Variants in ZCCHC7 observed in about 807,000 individuals in gnomAD.
ZCCHC7 encodes zinc finger CCHC-type containing 7, also known as zinc finger CCHC domain-containing protein 7.
In ZCCHC7, 35 loss-of-function variants were observed where a neutral mutation model predicts 52.0. That is an observed-to-expected ratio of 0.67 (90% CI 0.51 to 0.89). The LOEUF is 0.89. Ranked by LOEUF, ZCCHC7 falls within the 40% of genes least tolerant of loss-of-function variation. ZCCHC7 has a pLI of 0.00. For synonymous variants in ZCCHC7, 217 were observed against 221.5 expected, an observed-to-expected ratio of 0.98 and a Z score of 0.18; for missense variants, 574 against 649.1, an observed-to-expected ratio of 0.88 and a Z score of 1.26.
chr9:37,255,129 A>G (rs1826523850), intron 2 of ZCCHC7, among the ~76,000 whole-genome samples: 1 of 152,014 alleles, frequency 6.6e-6, no homozygotes, highest in Non-Finnish European at 1.5e-5. Flanking sequence ...ATACATCCCT[A>G]TGATAAAGTT....
At chr9:37,152,495 T>C (rs1355108981) in intron 2 of ZCCHC7, among the ~76,000 whole-genome samples, 2 of 152,226 alleles carry the variant, frequency 1.3e-5, no homozygotes, top group Non-Finnish European at 2.9e-5. Context: ...TTACATTTAG[T>C]TGTCATGTCT....
intron 2 of ZCCHC7, among the ~76,000 whole-genome samples, chr9:37,271,091 A>G (rs1827388060): frequency 6.6e-6 from 1 of 152,236 alleles, no homozygotes; most frequent in African/African-American, 2.4e-5. Flanking sequence ...AATGGATTTA[A>G]AGAATTATCG....
At chr9:37,155,691 A>G (rs1820778837) in intron 2 of ZCCHC7, among the ~76,000 whole-genome samples, 2 of 152,212 alleles carry the variant, frequency 1.3e-5, no homozygotes, top group Admixed American at 6.5e-5. Flanking sequence ...TTCTCAGATA[A>G]TAGCCTTGTA....
intron 2 of ZCCHC7, among the ~76,000 whole-genome samples, chr9:37,282,626 A>G (rs1232231724): frequency 6.8e-6 from 1 of 147,562 alleles, no homozygotes; most frequent in Non-Finnish European, 1.5e-5. Flanking sequence ...AAAAAAAAAA[A>G]GTTTAAACAA....
At chr9:37,277,271 A>G (rs928029248) in intron 2 of ZCCHC7, among the ~76,000 whole-genome samples, 1 of 152,238 alleles carries the variant, frequency 6.6e-6, no homozygotes, top group African/African-American at 2.4e-5. Flanking sequence ...GATGAAGCTT[A>G]TACTATAAAT....
In ZCCHC7 at chr9:37,355,779, A is replaced by C. The variant is rs1446094677; in HGVS notation, c.1198+955A>C. Among the ~76,000 whole-genome samples the C allele has an allele frequency of 2.6e-5, 4 of 152,182 alleles. No homozygotes were observed. In the East Asian group the frequency reaches 7.7e-4, roughly 29 times the overall value. ...TTTTCAATCCTCATTTGGTTGAAAAAATCCACATTTAAGTGGACCCACGTA... is the reference window on the plus strand; with the variant it reads ...TTTTCAATCCTCATTTGGTTGAAAACATCCACATTTAAGTGGACCCACGTA... On this transcript the variant is annotated intron_variant, in intron 8 of 8. Coordinates refer to ENST00000336755, the MANE Select transcript of ZCCHC7 (RefSeq NM_032226.3).
chr9:37,337,135 G>A (rs1830707320), intron 6 of ZCCHC7, among the ~76,000 whole-genome samples: 1 of 152,190 alleles, frequency 6.6e-6, no homozygotes, highest in South Asian at 2.1e-4. Context: ...CCCTAAAAGT[G>A]ATTCCTTCTT....
intron 2 of ZCCHC7, among the ~76,000 whole-genome samples, chr9:37,196,227 TACA>T (rs1275489679): frequency 6.6e-6 from 1 of 152,216 alleles, no homozygotes; most frequent in African/African-American, 2.4e-5. Context: ...CTCTGTCCAG[TACA>T]ACAATAGGCT....
At position 37,126,954 on chromosome 9, in the gene ZCCHC7, A is replaced by G. The variant is rs755788519; in HGVS notation, c.610+12A>G. On this transcript the variant is annotated intron_variant, in intron 2 of 8. Coordinates refer to ENST00000336755, the MANE Select transcript of ZCCHC7 (RefSeq NM_032226.3). ...CTCTGTTACTGAAGGTTAGTATCAT[A>G]TTGGCCATTTTGAAAGTAGTATCAT... 6.2e-7 allele frequency: 1 copy of G among 1,609,330 alleles called. No homozygotes were observed. Among genetic ancestry groups the G allele is most frequent in the South Asian group, 1.1e-5 (1 of 90,772 alleles).
At chr9:37,353,461 CAGTA>C (rs1360031081) in intron 7 of ZCCHC7, among the ~76,000 whole-genome samples, 1 of 152,112 alleles carries the variant, frequency 6.6e-6, no homozygotes, top group Admixed American at 6.6e-5. Context: ...GAATATTCAT[CAGTA>C]AGAGTATAAA....
chr9:37,155,998 C>G (rs1368419235), intron 2 of ZCCHC7, among the ~76,000 whole-genome samples: 1 of 152,198 alleles, frequency 6.6e-6, no homozygotes, highest in Non-Finnish European at 1.5e-5. Context: ...CAAAGTGACC[C>G]CAGCGTTCCT....
intron 5 of ZCCHC7, among the ~76,000 whole-genome samples, chr9:37,308,247 G>A (rs370754465): frequency 6.6e-6 from 1 of 151,992 alleles, no homozygotes; most frequent in African/African-American, 2.4e-5. Flanking sequence ...GATAAATCCT[G>A]AATTGTCCTA....
chr9:37,233,209 A>G (rs771240202), intron 2 of ZCCHC7, among the ~76,000 whole-genome samples: 12 of 152,326 alleles, frequency 7.9e-5, no homozygotes, highest in Admixed American at 2.6e-4. Context: ...CCCACCAGAC[A>G]TTATAGCTTA....
At chr9:37,257,589 T>C (rs1302124691) in intron 2 of ZCCHC7, among the ~76,000 whole-genome samples, 2 of 152,184 alleles carry the variant, frequency 1.3e-5, no homozygotes, top group African/African-American at 4.8e-5. Flanking sequence ...TTATTTATTT[T>C]TTATTTTTAA....
At chr9:37,351,309 T>C (rs1213441650) in intron 7 of ZCCHC7, among the ~76,000 whole-genome samples, 3 of 152,044 alleles carry the variant, frequency 2.0e-5, no homozygotes, top group Non-Finnish European at 4.4e-5. Flanking sequence ...GTACAGGAAA[T>C]CTCTCAGCAC....
At chr9:37,272,036 A>G (rs1332098665) in intron 2 of ZCCHC7, among the ~76,000 whole-genome samples, 1 of 152,130 alleles carries the variant, frequency 6.6e-6, no homozygotes, top group African/African-American at 2.4e-5. Context: ...TTATTATACT[A>G]TTTTTTCAAC....
chr9:37,193,159 A>G (rs1168463951), intron 2 of ZCCHC7, among the ~76,000 whole-genome samples: 1 of 152,218 alleles, frequency 6.6e-6, no homozygotes, highest in African/African-American at 2.4e-5. Context: ...TTTTCAATTC[A>G]GTTATTTTAT....
At chr9:37,268,891 A>T (rs1011410503) in intron 2 of ZCCHC7, among the ~76,000 whole-genome samples, 7 of 152,174 alleles carry the variant, frequency 4.6e-5, no homozygotes, top group African/African-American at 1.7e-4. Flanking sequence ...TATGTTAGGG[A>T]TAAGAAGTGA....
At chr9:37,280,188 A>G (rs868226683) in intron 2 of ZCCHC7, among the ~76,000 whole-genome samples, 26 of 152,198 alleles carry the variant, frequency 1.7e-4, no homozygotes, top group African/African-American at 6.3e-4. Flanking sequence ...CAAGTAAACA[A>G]CGAAGGTACT....
Sources: allele counts gnomAD v4.1 joint callset (sites outside exome capture counted in the v4.1 genomes callset), GRCh38; gene constraint gnomAD v4.1.1; transcripts MANE v1.5; gene names NCBI Gene and HGNC (gene_info 2026-07-23, HGNC 2026-07-21).